Variants in ARF3 observed in about 807,000 individuals in gnomAD.
ARF3 encodes ADP-ribosylation factor 3.
Under a neutral mutation model 19.3 loss-of-function variants are expected in ARF3, and 5 were observed. That is an observed-to-expected ratio of 0.26 (90% CI 0.14 to 0.54). The LOEUF is 0.54. Ranked by LOEUF, ARF3 falls within the 20% of genes least tolerant of loss-of-function variation. ARF3 has a pLI of 0.95. For synonymous variants in ARF3, 71 were observed against 89.2 expected (o/e 0.80, Z 1.15); for missense variants, 77 against 234.2 (o/e 0.33, Z 4.38).
chr12:48,943,998 T>C (rs902108871), intron 1 of ARF3, among the ~76,000 whole-genome samples: 4 of 152,214 alleles, frequency 2.6e-5, no homozygotes, highest in African/African-American at 9.6e-5. Context: ...TCACCAACCT[T>C]GGCAATTTGT....
chr12:48,950,807 G>A (rs973324108), intron 1 of ARF3, among the ~76,000 whole-genome samples: 9 of 150,818 alleles, frequency 6.0e-5, no homozygotes, highest in African/African-American at 1.5e-4. Context: ...TTTTTGAGAC[G>A]GAGTTTTTGC....
rs1940200846 is a variant in ARF3, at chr12:48,938,843, G to A, written c.*104C>T. ...GCTGGGCATGTGGACATGATACCCA[G>A]GGCCCTGGCCACACTTGCATGGAGA... On this transcript the variant is annotated 3_prime_UTR_variant, in exon 5 of 5. Coordinates refer to ENST00000256682, the MANE Select transcript of ARF3 (RefSeq NM_001659.3). The A allele has an allele frequency of 3.4e-6, 5 of 1,450,424 alleles. No individual in the cohort carries two copies. In the South Asian group the frequency reaches 6.9e-5, roughly 20 times the overall value. The allele number at this position is 1,450,424 out of a possible 1,614,324, so 89.8% of individuals were successfully genotyped here.
chr12:48,956,036 G>A (rs1015808603), intron 1 of ARF3: 2 of 152,212 alleles, frequency 1.3e-5, no homozygotes, highest in Admixed American at 1.3e-4. Flanking sequence ...CACGGCAAGT[G>A]GAAACACCTA....
chr12:48,957,235 G>T (rs992148115), intron 1 of ARF3, 75 bp downstream of exon 1: 1 of 152,346 alleles, frequency 6.6e-6, no homozygotes, highest in African/African-American at 2.4e-5. Context: ...CCCGGGAGGC[G>T]CTCTATCTCC....
chr12:48,948,291 A>T (rs10875899), intron 1 of ARF3, among the ~76,000 whole-genome samples: 24,807 of 148,746 alleles, frequency 0.17, 2,774 homozygotes, highest in East Asian at 0.48. Flanking sequence ...TTTTAAAGAG[A>T]TGAGGTCTCA....
At chr12:48,948,715 G>A (rs1330623015) in intron 1 of ARF3, among the ~76,000 whole-genome samples, 2 of 152,060 alleles carry the variant, frequency 1.3e-5, no homozygotes, top group Admixed American at 6.6e-5. Context: ...GGGTGCTGAG[G>A]CAGGAGAATT....
At chr12:48,955,802 T>C (rs1214083696) in intron 1 of ARF3, 1 of 152,224 alleles carries the variant, frequency 6.6e-6, no homozygotes, top group African/African-American at 2.4e-5. Flanking sequence ...ATTCTAACTA[T>C]GCAAGGTAAT....
At chr12:48,943,006 T>C (rs4018510) in intron 1 of ARF3, among the ~76,000 whole-genome samples, 49,548 of 151,998 alleles carry the variant, frequency 0.33, 9,108 homozygotes, top group Admixed American at 0.47. Flanking sequence ...ACTCGGAACG[T>C]TGAGGCAGGA....
chr12:48,954,746 A>G (rs894373957), intron 1 of ARF3, among the ~76,000 whole-genome samples: 5 of 152,192 alleles, frequency 3.3e-5, no homozygotes, highest in East Asian at 1.9e-4. Context: ...GAGTTCAGGC[A>G]TGGTGGTTCA....
At position 48,947,585 on chromosome 12, in the gene ARF3, C is replaced by T. The variant is rs551075961; in HGVS notation, c.-93-6397G>A. Among the ~76,000 whole-genome samples, 3 of 152,130 alleles carry T rather than the reference C, an allele frequency of 2.0e-5. No homozygotes were observed. In the East Asian group the frequency reaches 5.8e-4, roughly 29 times the overall value. ...CCCCCCAAAGTGCTGGGATTACAGG[C>T]GTGGGCCACCGTGCCTGGCCTCATT... On this transcript the variant is annotated intron_variant, in intron 1 of 4. Coordinates refer to ENST00000256682, the MANE Select transcript of ARF3 (RefSeq NM_001659.3).
At position 48,939,019 on chromosome 12, in the gene ARF3, G is replaced by A; in HGVS notation, c.474C>T (p.Thr158=). 1 of 1,613,734 alleles carries A rather than the reference G, an allele frequency of 6.2e-7. No individual in the cohort carries two copies. Among genetic ancestry groups the A allele is most frequent in the Admixed American group, 1.7e-5 (1 of 60,028 alleles). ...LRHRNWYIQA[T]CATSGDGLYE... Reference sequence around the variant, plus strand: ...ACAGCCCGTCCCCGCTGGTGGCACAGGTGGCCTGAATGTACCAGTTACGGT... The same window carrying A: ...ACAGCCCGTCCCCGCTGGTGGCACAAGTGGCCTGAATGTACCAGTTACGGT... Residue 158 remains threonine (T), a synonymous_variant, in exon 5 of 5, where the codon ACC becomes ACT. Coordinates refer to ENST00000256682, the MANE Select transcript of ARF3 (RefSeq NM_001659.3). The surrounding 1 kb of genome is among the most constrained non-coding windows in gnomAD (Gnocchi z 4.8).
intron 1 of ARF3, among the ~76,000 whole-genome samples, chr12:48,950,874 C>G (rs1053063564): frequency 2.0e-5 from 3 of 152,080 alleles, no homozygotes; most frequent in Non-Finnish European, 4.4e-5. Context: ...CAACCTCCAT[C>G]TCCTGGGTTC....
At chr12:48,942,244 CTTT>C (rs780786823) in intron 1 of ARF3, among the ~76,000 whole-genome samples, 5 of 136,682 alleles carry the variant, frequency 3.7e-5, no homozygotes, top group Admixed American at 7.4e-5. Flanking sequence ...TGCCTCAAAG[CTTT>C]TTTTTTTTTT....
At chr12:48,954,067 A>G (rs1940516228) in intron 1 of ARF3, among the ~76,000 whole-genome samples, 1 of 152,152 alleles carries the variant, frequency 6.6e-6, no homozygotes. Flanking sequence ...TAAATCCCTG[A>G]CCTAGGTCAT....
At chr12:48,943,172 G>T (rs1487928996) in intron 1 of ARF3, among the ~76,000 whole-genome samples, 1 of 152,122 alleles carries the variant, frequency 6.6e-6, no homozygotes, top group African/African-American at 2.4e-5. Flanking sequence ...AGGACCAAAA[G>T]AATCATTATG....
intron 1 of ARF3, chr12:48,953,002 C>T (rs913545138): frequency 7.2e-5 from 11 of 152,284 alleles, no homozygotes; most frequent in African/African-American, 2.6e-4. Flanking sequence ...TTGTGTATAC[C>T]ATGATGAGAA....
rs1940200648 is a variant in ARF3, at chr12:48,938,826, T to C, written c.*121A>G. On this transcript the variant is annotated 3_prime_UTR_variant, in exon 5 of 5. Transcript: ENST00000256682. Reference sequence around the variant, plus strand: ...GGGGAGGCAAGGCTCTTGCTGGGCATGTGGACATGATACCCAGGGCCCTGG... The same window carrying C: ...GGGGAGGCAAGGCTCTTGCTGGGCACGTGGACATGATACCCAGGGCCCTGG... 2.3e-6 allele frequency: 3 copies of C among 1,313,076 alleles called. No homozygotes were observed. Among genetic ancestry groups the C allele is most frequent in the African/African-American group, 1.5e-5 (1 of 67,602 alleles). The allele number at this position is 1,313,076 out of a possible 1,614,324, so 81.3% of individuals were successfully genotyped here. A position where few individuals can be genotyped will look rare whatever the true frequency, so the allele number is the denominator to read the frequency against.
At position 48,938,479 on chromosome 12, in the gene ARF3, C is replaced by T. The variant is rs545194675; in HGVS notation, c.*468G>A. ...ATCTCTCTATACATGTATATACAGG[C>T]GCACACATGCACGCAAACACAGAGA... On this transcript the variant is annotated 3_prime_UTR_variant, in exon 5 of 5. Coordinates refer to ENST00000256682, the MANE Select transcript of ARF3 (RefSeq NM_001659.3). 17 of 450,530 alleles carry T rather than the reference C, an allele frequency of 3.8e-5. No individual in the cohort carries two copies. Among genetic ancestry groups the T allele is most frequent in the South Asian group, 1.2e-4 (8 of 64,078 alleles). 27.9% of individuals were successfully genotyped at this position (450,530 alleles called of 1,614,324 possible).
chr12:48,945,039 C>T (rs1366261524), intron 1 of ARF3, among the ~76,000 whole-genome samples: 2 of 149,366 alleles, frequency 1.3e-5, no homozygotes, highest in African/African-American at 4.9e-5. Flanking sequence ...ACTCAGGAAG[C>T]CGAGGCAGGA....
Sources: allele counts gnomAD v4.1 joint callset (sites outside exome capture counted in the v4.1 genomes callset), GRCh38; gene constraint gnomAD v4.1.1; non-coding constraint Gnocchi (gnomAD v3.1); transcripts MANE v1.5; gene names NCBI Gene and HGNC (gene_info 2026-07-23, HGNC 2026-07-21).